Variants in CDH13 observed in about 807,000 individuals in gnomAD.
The protein encoded by CDH13 is cadherin 13, also known as cadherin-13.
CDH13 carries 24 observed loss-of-function variants against 63.8 expected under a neutral mutation model. The observed-to-expected ratio is 0.38, with a 90% CI of 0.27 to 0.53. The LOEUF (loss-of-function observed/expected upper bound fraction) is 0.53, where lower values mean the gene tolerates loss of function less well. Ranked by LOEUF, CDH13 falls within the 20% of genes least tolerant of loss-of-function variation. The probability of loss-of-function intolerance (pLI) is 0.85; values close to 1 mark genes in which losing one functional copy is unlikely to be tolerated. For synonymous variants in CDH13, 503 were observed against 355.3 expected, an observed-to-expected ratio of 1.42 and a Z score of -4.67; for missense variants, 1,049 against 903.1, an observed-to-expected ratio of 1.16 and a Z score of -2.07.
At chr16:83,450,215 C>T (rs565897661) in intron 6 of CDH13, among the ~76,000 whole-genome samples, 58 of 152,236 alleles carry the variant, frequency 3.8e-4, no homozygotes, top group Non-Finnish European at 7.6e-4. Context: ...TGCCCACAAA[C>T]CCACCTGTGA....
At chr16:83,239,704 C>G (rs947750282) in intron 5 of CDH13, among the ~76,000 whole-genome samples, 1 of 152,158 alleles carries the variant, frequency 6.6e-6, no homozygotes, top group African/African-American at 2.4e-5. Flanking sequence ...TCAACAGATA[C>G]CTACTTGGCT....
At chr16:82,820,446 C>A (rs1042839488) in intron 1 of CDH13, among the ~76,000 whole-genome samples, 1 of 152,144 alleles carries the variant, frequency 6.6e-6, no homozygotes, top group African/African-American at 2.4e-5. Flanking sequence ...GGTAATGAAA[C>A]TGAGGCACAG....
intron 2 of CDH13, among the ~76,000 whole-genome samples, chr16:82,930,197 G>C (rs530345206): frequency 6.6e-6 from 1 of 151,828 alleles, no homozygotes; most frequent in East Asian, 1.9e-4. Context: ...GGCTGGTCTC[G>C]AACTCCTGGC....
At chr16:83,030,195 C>G (rs923418118) in intron 2 of CDH13, among the ~76,000 whole-genome samples, 1 of 152,168 alleles carries the variant, frequency 6.6e-6, no homozygotes, top group Non-Finnish European at 1.5e-5. Context: ...CATCTGTCCA[C>G]TCTCCATATC....
chr16:83,134,453 G>T (rs919472244), intron 4 of CDH13, among the ~76,000 whole-genome samples: 7 of 151,846 alleles, frequency 4.6e-5, no homozygotes, highest in African/African-American at 1.7e-4. Context: ...GCCTCCCAAA[G>T]TGCTGGGATT....
At chr16:83,000,154 C>T (rs1366038654) in intron 2 of CDH13, among the ~76,000 whole-genome samples, 9 of 141,928 alleles carry the variant, frequency 6.3e-5, no homozygotes, top group African/African-American at 2.6e-5. Flanking sequence ...AAATGTCAGT[C>T]ATTTTTACAT....
chr16:83,781,170 T>G (rs918749259), intron 12 of CDH13, among the ~76,000 whole-genome samples: 1 of 152,192 alleles, frequency 6.6e-6, no homozygotes, highest in Non-Finnish European at 1.5e-5. Flanking sequence ...CAGGTGGAAT[T>G]CAAAACTTAA....
intron 1 of CDH13, among the ~76,000 whole-genome samples, chr16:82,857,714 A>G (rs2039760132): frequency 6.6e-6 from 1 of 152,232 alleles, no homozygotes; most frequent in Non-Finnish European, 1.5e-5. Flanking sequence ...CATATATTTA[A>G]TTTCATATGT....
At chr16:83,666,615 C>A (rs1913976817) in intron 8 of CDH13, among the ~76,000 whole-genome samples, 1 of 152,180 alleles carries the variant, frequency 6.6e-6, no homozygotes. Flanking sequence ...TCTGGCTCTC[C>A]CCTTCATTCC....
rs183194853 is a variant in CDH13, at chr16:83,051,836, C to G, written c.366+19618C>G. On this transcript the variant is annotated intron_variant, in intron 3 of 13. Transcript: ENST00000567109. ...ATCCCTGTAGGAAACAGACCGAAAA[C>G]TTTGAGTCTGTTACCCCTAAGAGAC... Among the ~76,000 whole-genome samples the G allele has an allele frequency of 4.5e-4, 68 of 152,318 alleles. No individual in the cohort carries two copies. In the Middle Eastern group the frequency reaches 0.01, roughly 23 times the overall value.
chr16:82,827,013 G>C (rs868655475), intron 1 of CDH13, among the ~76,000 whole-genome samples: 1 of 152,138 alleles, frequency 6.6e-6, no homozygotes, highest in Non-Finnish European at 1.5e-5. Flanking sequence ...CCAGCCCCTG[G>C]CATGTTTTGC....
chr16:83,566,491 C>G (rs543213936), intron 7 of CDH13, among the ~76,000 whole-genome samples: 5 of 148,164 alleles, frequency 3.4e-5, no homozygotes, highest in South Asian at 2.2e-4. Context: ...TCCTGGCTCT[C>G]AAAGGCAGAG....
intron 1 of CDH13, among the ~76,000 whole-genome samples, chr16:82,702,300 A>T (rs1348411848): frequency 7.5e-6 from 1 of 133,274 alleles, no homozygotes; most frequent in African/African-American, 2.8e-5. Context: ...TTTTCACAGC[A>T]CATGATCTAC....
chr16:83,050,418 G>T (rs1320472096), intron 3 of CDH13, among the ~76,000 whole-genome samples: 1 of 152,056 alleles, frequency 6.6e-6, no homozygotes, highest in East Asian at 1.9e-4. Flanking sequence ...CAGAGCATTG[G>T]CAGTCCTTGA....
chr16:82,698,656 A>G (rs2030625211), intron 1 of CDH13, among the ~76,000 whole-genome samples: 3 of 152,190 alleles, frequency 2.0e-5, no homozygotes, highest in South Asian at 2.1e-4. Flanking sequence ...TCAGCAAGCA[A>G]TCTACTGGCC....
chr16:83,131,188 C>A (rs1466409477), intron 4 of CDH13, among the ~76,000 whole-genome samples: 2 of 40,526 alleles, frequency 4.9e-5, no homozygotes, highest in Non-Finnish European at 1.6e-4. Flanking sequence ...TATGACCCCC[C>A]CCCCCCCCCC....
chr16:82,855,853 T>C (rs2039661816), intron 1 of CDH13, among the ~76,000 whole-genome samples: 1 of 152,206 alleles, frequency 6.6e-6, no homozygotes, highest in Non-Finnish European at 1.5e-5. Context: ...TGGGGTTCAG[T>C]GCATTTCAGA....
At chr16:83,328,235 C>G (rs1354772902) in intron 5 of CDH13, among the ~76,000 whole-genome samples, 3 of 151,894 alleles carry the variant, frequency 2.0e-5, no homozygotes, top group Non-Finnish European at 2.9e-5. Flanking sequence ...ATATAAGAAA[C>G]AGAAGTCCAT....
chr16:83,263,856 C>T (rs1597617783), intron 5 of CDH13, among the ~76,000 whole-genome samples: 1 of 152,096 alleles, frequency 6.6e-6, no homozygotes, highest in African/African-American at 2.4e-5. Context: ...CTGTGAACAT[C>T]CCACTACTTG....
Sources: allele counts gnomAD v4.1 joint callset (sites outside exome capture counted in the v4.1 genomes callset), GRCh38; gene constraint gnomAD v4.1.1; transcripts MANE v1.5; gene names NCBI Gene and HGNC (gene_info 2026-07-23, HGNC 2026-07-21).